PPAT: variants seen among roughly 807,000 people sequenced by gnomAD.
PPAT encodes the protein amidophosphoribosyltransferase.
A neutral mutation model predicts 60.2 loss-of-function variants in PPAT; 20 were observed. That is an observed-to-expected ratio of 0.33 (90% CI 0.23 to 0.48). PPAT has a LOEUF of 0.48. Ranked by LOEUF, PPAT falls within the 20% of genes least tolerant of loss-of-function variation. The probability of loss-of-function intolerance (pLI) is 0.99; values close to 1 mark genes in which losing one functional copy is unlikely to be tolerated. For missense variants in PPAT, 349 were observed against 629.6 expected (o/e 0.55, Z 4.77); for synonymous variants, 194 against 215.1 (o/e 0.90, Z 0.86).
chr4:56,407,293 T>C (rs1716264214), intron 2 of PPAT, among the ~76,000 whole-genome samples: 2 of 152,148 alleles, frequency 1.3e-5, no homozygotes, highest in African/African-American at 4.8e-5. Flanking sequence ...CTGTCTTTGT[T>C]ATCTTTGTCA....
At chr4:56,404,449 CTA>C (rs1716192962) in intron 3 of PPAT, among the ~76,000 whole-genome samples, 1 of 152,132 alleles carries the variant, frequency 6.6e-6, no homozygotes, top group Admixed American at 6.5e-5. Flanking sequence ...TGAGTGTACT[CTA>C]TGATAATTAC....
chr4:56,409,260 C>A (rs764732501), intron 1 of PPAT, among the ~76,000 whole-genome samples: 2 of 152,170 alleles, frequency 1.3e-5, no homozygotes, highest in Non-Finnish European at 2.9e-5. Context: ...AGCCAGGATT[C>A]CAATGCAGAC....
At chr4:56,416,227 TA>T (rs1716737019) in intron 1 of PPAT, 1 of 152,780 alleles carries the variant, frequency 6.5e-6, no homozygotes, top group Non-Finnish European at 1.5e-5. Context: ...ATTTAAACTA[TA>T]TTATACAACT....
chr4:56,409,372 A>G (rs1333132998), intron 1 of PPAT, among the ~76,000 whole-genome samples: 2 of 152,194 alleles, frequency 1.3e-5, no homozygotes, highest in African/African-American at 2.4e-5. Context: ...ATCTCCAAAT[A>G]TAATAGAGGC....
chr4:56,408,023 C>T lies in PPAT; in HGVS notation c.129-307G>A, dbSNP rs190630087. 8.8e-4 allele frequency: 233 copies of T among 263,556 alleles called. 2 individuals carry two copies. Among genetic ancestry groups the T allele is most frequent in the Non-Finnish European group, 3.3e-4 (44 of 134,518 alleles). 16.3% of individuals were successfully genotyped at this position (263,556 alleles called of 1,614,324 possible). On this transcript the variant is annotated intron_variant, in intron 1 of 10. Transcript: ENST00000264220. ...ATTGGAACCCCAAATATACTTTAGG[C>T]CTTGAGAGAGATATGACTGTGATCC...
chr4:56,433,679 G>A (rs1717728058), intron 1 of PPAT, among the ~76,000 whole-genome samples: 1 of 148,192 alleles, frequency 6.7e-6, no homozygotes, highest in African/African-American at 2.5e-5. Flanking sequence ...CCCCATGACA[G>A]AGTATCCAAA....
chr4:56,432,543 A>AAG (rs890031031), intron 1 of PPAT, among the ~76,000 whole-genome samples: 2 of 149,764 alleles, frequency 1.3e-5, no homozygotes, highest in African/African-American at 4.9e-5. Context: ...AAAAAAAAAA[A>AAG]GGGAGGCCAA....
Position 56,402,153 on chromosome 4 carries a change from C to T in PPAT, c.690G>A (p.Trp230Ter). The T allele has an allele frequency of 6.2e-7, 1 of 1,606,794 alleles. No homozygotes were observed. Among genetic ancestry groups the T allele is most frequent in the Non-Finnish European group, 8.5e-7 (1 of 1,174,644 alleles). ...KEKKTSETEGWVVSSESCSFL... is the reference protein window; with the variant it reads ...KEKKTSETEG ...AGCTACAAGATTCTGAAGACACCAC[C>T]CATCCTTCTGTTTCTGATGTTTTTT... The change falls in exon 6 of 11, where the codon TGG becomes TGA. Residue 230 changes from tryptophan to a stop codon, truncating the protein, a stop_gained. Coordinates refer to ENST00000264220, the MANE Select transcript of PPAT (RefSeq NM_002703.5). LOFTEE classifies it high-confidence loss of function.
rs573844517 is a variant in PPAT, at chr4:56,435,473, T to C, written c.5A>G (p.Glu2Gly). The C allele has an allele frequency of 1.9e-6, 3 of 1,613,314 alleles. No homozygotes were observed. The highest frequency in any genetic ancestry group is 2.5e-6 in the Non-Finnish European group (3 of 1,179,912). The change falls in exon 1 of 11, where the codon GAG (glutamate) becomes GGG (glycine). Residue 2 changes from glutamate to glycine, a missense_variant. By Grantham distance (98) the Glu-to-Gly change is moderately conservative (BLOSUM62 -2). Around this residue, in one of 5 missense-constraint regions of PPAT, gnomAD observed 115 missense variants for 174.5 expected, o/e 0.66. Coordinates refer to ENST00000264220, the MANE Select transcript of PPAT (RefSeq NM_002703.5). M[E>G]LEELGIREEC... ...CTCTCGGATCCCCAACTCCTCCAGC[T>C]CCATGTCGCCGCCGAAAGCACGTGG...
rs1421220763 is a variant in PPAT, at chr4:56,395,255, T to C, written c.*97A>G. On this transcript the variant is annotated 3_prime_UTR_variant, in exon 11 of 11. Transcript: ENST00000264220. The stretch of plus-strand genomic sequence containing the variant: ...ATAAACATAAGCATGGCATTTTACA[T>C]TGTACCAACTGAGTAACAGTAAATA... 7 of 1,088,710 alleles carry C rather than the reference T, an allele frequency of 6.4e-6. No individual in the cohort carries two copies. The highest frequency in any genetic ancestry group is 7.8e-6 in the Non-Finnish European group (6 of 764,456). The allele number at this position is 1,088,710 out of a possible 1,614,324, so 67.4% of individuals were successfully genotyped here. A position where few individuals can be genotyped will look rare whatever the true frequency, so the allele number is the denominator to read the frequency against.
chr4:56,396,529 G>A lies in PPAT; in HGVS notation c.1357+90C>T. Reference sequence around the variant, plus strand: ...TATATAACTACTTTTAACAAACACTGAATACTCCTTTTTACTAAAGGTGTA... The same window carrying A: ...TATATAACTACTTTTAACAAACACTAAATACTCCTTTTTACTAAAGGTGTA... On this transcript the variant is annotated intron_variant, in intron 10 of 10. Coordinates refer to ENST00000264220, the MANE Select transcript of PPAT (RefSeq NM_002703.5). This position sits in a 1 kb window ranked among gnomAD's most constrained non-coding sequence, Gnocchi z 4.6. The A allele has an allele frequency of 7.8e-7, 1 of 1,288,688 alleles. No homozygotes were observed. The highest frequency in any genetic ancestry group is 2.2e-5 in the Admixed American group (1 of 45,928). The allele number at this position is 1,288,688 out of a possible 1,614,324, so 79.8% of individuals were successfully genotyped here. A position where few individuals can be genotyped will look rare whatever the true frequency, so the allele number is the denominator to read the frequency against.
intron 1 of PPAT, among the ~76,000 whole-genome samples, chr4:56,428,472 C>T (rs4865101): frequency 0.69 from 104,491 of 151,930 alleles, 36,027 homozygotes; most frequent in South Asian, 0.76. Context: ...CAATGTCATA[C>T]GAAATATAAA....
At chr4:56,408,006 C>A in intron 1 of PPAT, 2 of 296,924 alleles carry the variant, frequency 6.7e-6, no homozygotes, top group Non-Finnish European at 1.3e-5. Flanking sequence ...CTATTGGAAC[C>A]CCAAATATAC....
rs143062740 is a variant in PPAT at position 56,413,911 on chromosome 4, T to A, written c.129-6195A>T. Among the ~76,000 whole-genome samples, 481 of 152,138 alleles carry A rather than the reference T, an allele frequency of 3.2e-3. 4 individuals are homozygous for A. Among genetic ancestry groups the A allele is most frequent in the African/African-American group, 0.011 (454 of 41,508 alleles). On this transcript the variant is annotated intron_variant, in intron 1 of 10. Transcript: ENST00000264220. ...AAACTCTATCTCAAAATAAATAAAT[T>A]AAATAAATAATTAACGACTTAGGCT... is the stretch of plus-strand genomic sequence containing the variant.
intron 1 of PPAT, chr4:56,410,430 G>C (rs1716390390): frequency 4.3e-6 from 3 of 689,910 alleles, no homozygotes; most frequent in Admixed American, 6.3e-5. Flanking sequence ...TCAGCTCTTC[G>C]GAGCTTATTG....
At chr4:56,413,271 C>T (rs140396737) in intron 1 of PPAT, among the ~76,000 whole-genome samples, 4,075 of 152,214 alleles carry the variant, frequency 0.027, 203 homozygotes, top group African/African-American at 0.092. Flanking sequence ...ATTCTCCTGC[C>T]TCAGCCTCCT....
chr4:56,432,160 T>C (rs1578139215), intron 1 of PPAT, among the ~76,000 whole-genome samples: 1 of 152,196 alleles, frequency 6.6e-6, no homozygotes, highest in African/African-American at 2.4e-5. Flanking sequence ...GATTAGATTA[T>C]ACCCAAGACA....
At chr4:56,435,225 G>C (rs527578041) in intron 1 of PPAT, 125 bp downstream of exon 1, 2 of 1,400,482 alleles carry the variant, frequency 1.4e-6, no homozygotes, top group Admixed American at 1.9e-5. Context: ...CCACAGGCAG[G>C]TACTGGCTTA....
intron 8 of PPAT, 135 bp downstream of exon 8, chr4:56,400,649 T>C (rs746203906): frequency 3.0e-6 from 3 of 1,008,210 alleles, no homozygotes; most frequent in Non-Finnish European, 4.1e-6. Flanking sequence ...TAAAAAACGC[T>C]TGTAAACAAA....
Sources: gnomAD v4.1 joint callset for allele counts (sites outside exome capture counted in the v4.1 genomes callset) on GRCh38, gnomAD v4.1.1 for gene constraint, gnomAD v4.1.1 regional missense constraint, Gnocchi (gnomAD v3.1) non-coding constraint, MANE v1.5 for transcripts, NCBI Gene and HGNC (gene_info 2026-07-23, HGNC 2026-07-21) for gene names.